The following MAX variants were observed in gnomAD, a reference collection of about 807,000 sequenced individuals.
MAX encodes the protein MYC associated transcriptional regulator X, also known as protein max.
In MAX, 3 loss-of-function variants were observed where a neutral mutation model predicts 22.3. That is an observed-to-expected ratio of 0.13 (90% CI 0.06 to 0.35). MAX has a LOEUF of 0.35. Ranked by LOEUF, MAX falls within the 10% of genes least tolerant of loss-of-function variation. The probability of loss-of-function intolerance (pLI) is 1.00; values close to 1 mark genes in which losing one functional copy is unlikely to be tolerated. For synonymous variants in MAX, 72 were observed against 77.7 expected (o/e 0.93, Z 0.39); for missense variants, 119 against 209.4 (o/e 0.57, Z 2.66).
In MAX at chr14:65,044,253, C is replaced by A. The variant is rs45565742; in HGVS notation, c.172-37969G>T. ...ACAGATTGACTCCTGGAGATTCTGTCGGGCTGGATTTTGTCTCTTTTAGCC... is the reference window on the plus strand; with the variant it reads ...ACAGATTGACTCCTGGAGATTCTGTAGGGCTGGATTTTGTCTCTTTTAGCC... On this transcript the variant is annotated intron_variant, in intron 3 of 3. Coordinates refer to the MAX transcript ENST00000341653. This position sits in a 1 kb window ranked among gnomAD's most constrained non-coding sequence, Gnocchi z 5.5. The A allele has an allele frequency of 6.2e-7, 1 of 1,606,198 alleles. No homozygotes were observed. The highest frequency in any genetic ancestry group is 8.5e-7 in the Non-Finnish European group (1 of 1,176,900).
rs539504709 is a variant in MAX, at chr14:65,093,169, A to G, written c.171+539T>C. 4.6e-5 allele frequency among the ~76,000 whole-genome samples: 7 copies of G among 152,234 alleles called. No individual in the cohort carries two copies. Among genetic ancestry groups the G allele is most frequent in the Non-Finnish European group, 8.8e-5 (6 of 68,042 alleles). Reference sequence around the variant, plus strand: ...CTGTTTCACATGAACATGTCTCTTCACTCAAGTCTTTTGTCCCACAGCTTA... The same window carrying G: ...CTGTTTCACATGAACATGTCTCTTCGCTCAAGTCTTTTGTCCCACAGCTTA... On this transcript the variant is annotated intron_variant, in intron 3 of 4. Transcript: ENST00000358664. The surrounding 1 kb of genome is among the most constrained non-coding windows in gnomAD (Gnocchi z 4.4).
chr14:65,101,003 T>G (rs1780181159), intron 2 of MAX, among the ~76,000 whole-genome samples: 1 of 152,204 alleles, frequency 6.6e-6, no homozygotes, highest in African/African-American at 2.4e-5. Flanking sequence ...ATAATAACTT[T>G]ATGTGACACT....
chr14:65,015,655 T>G (rs1476119182), intron 3 of MAX: 9 of 1,614,016 alleles, frequency 5.6e-6, no homozygotes, highest in Non-Finnish European at 7.6e-6. Context: ...ATGGCTCTGC[T>G]ATTGGATCCT....
chr14:65,042,408 T>C (rs1304928058), intron 3 of MAX, among the ~76,000 whole-genome samples: 5 of 152,166 alleles, frequency 3.3e-5, no homozygotes, highest in African/African-American at 9.7e-5. Flanking sequence ...TAGACTCTCA[T>C]GTAGAGCGTG....
chr14:65,021,120 G>A (rs961132159), intron 3 of MAX, among the ~76,000 whole-genome samples: 1 of 152,152 alleles, frequency 6.6e-6, no homozygotes, highest in Non-Finnish European at 1.5e-5. Flanking sequence ...AAGTACATTT[G>A]CTTTGCTTAA....
At position 65,014,759 on chromosome 14, in the gene MAX, A is replaced by G. The variant is rs2061739235; in HGVS notation, c.172-8475T>C. 6.6e-6 allele frequency among the ~76,000 whole-genome samples: 1 copy of G among 152,138 alleles called. No individual in the cohort carries two copies. Among genetic ancestry groups the G allele is most frequent in the Admixed American group, 6.5e-5 (1 of 15,282 alleles). On this transcript the variant is annotated intron_variant, in intron 3 of 3. Coordinates refer to the MAX transcript ENST00000341653. This position sits in a 1 kb window ranked among gnomAD's most constrained non-coding sequence, Gnocchi z 5.1. ...AGCCCGGGAGGTTGAGGCTGCAGTG[A>G]GCTGAGATCATACCACTGCACTCTA...
At chr14:65,091,487 C>CT (rs1388030151) in intron 3 of MAX, among the ~76,000 whole-genome samples, 15 of 152,214 alleles carry the variant, frequency 9.9e-5, no homozygotes, top group Admixed American at 9.8e-4. Context: ...GACCACTCCT[C>CT]TCTCCTAGTC....
At chr14:65,024,649 A>G (rs2061947803) in intron 3 of MAX, among the ~76,000 whole-genome samples, 1 of 152,236 alleles carries the variant, frequency 6.6e-6, no homozygotes, top group African/African-American at 2.4e-5. Flanking sequence ...TTCTAAAGGA[A>G]TGATTTTGTG....
chr14:65,100,834 T>C lies in MAX; in HGVS notation c.63+712A>G, dbSNP rs551388468. Among the ~76,000 whole-genome samples the C allele has an allele frequency of 2.6e-5, 4 of 152,362 alleles. No individual in the cohort carries two copies. The East Asian group carries it at 7.7e-4, about 29-fold the overall frequency. On this transcript the variant is annotated intron_variant, in intron 2 of 4. Transcript: ENST00000358664. Reference sequence around the variant, plus strand: ...GTGCTTATCTAAATCCACAGAACCATCTACTGAGAACATTAATATCAAAAC... The same window carrying C: ...GTGCTTATCTAAATCCACAGAACCACCTACTGAGAACATTAATATCAAAAC...
In MAX at chr14:65,039,603, C is replaced by A. The variant is rs532430411; in HGVS notation, c.172-33319G>T. Among the ~76,000 whole-genome samples the A allele has an allele frequency of 2.0e-4, 30 of 152,234 alleles. 1 individual carries two copies. In the South Asian group the frequency reaches 5.0e-3, roughly 25 times the overall value. Reference sequence around the variant, plus strand: ...TTGTTGCCCCTCTCCCATCCCTATCCTTTGGGTAGGAAAGGTTTCTCTATT... The same window carrying A: ...TTGTTGCCCCTCTCCCATCCCTATCATTTGGGTAGGAAAGGTTTCTCTATT... On this transcript the variant is annotated intron_variant, in intron 3 of 3. Transcript: ENST00000341653.
intron 3 of MAX, among the ~76,000 whole-genome samples, chr14:65,022,940 G>A (rs187365831): frequency 6.6e-6 from 1 of 151,882 alleles, no homozygotes; most frequent in Non-Finnish European, 1.5e-5. Flanking sequence ...TGTACCTGTT[G>A]CATTTGTTTT....
At chr14:65,026,944 G>A (rs1263648259) in intron 3 of MAX, among the ~76,000 whole-genome samples, 3 of 152,198 alleles carry the variant, frequency 2.0e-5, no homozygotes, top group Non-Finnish European at 4.4e-5. Flanking sequence ...GTGGCAATGG[G>A]AGTGAGAAGA....
At position 65,077,195 on chromosome 14, in the gene MAX, C is replaced by A; in HGVS notation, c.296-532G>T. 2 of 657,510 alleles carry A rather than the reference C, an allele frequency of 3.0e-6. No individual in the cohort carries two copies. The highest frequency in any genetic ancestry group is 5.4e-6 in the Non-Finnish European group (2 of 368,148). 40.7% of individuals were successfully genotyped at this position (657,510 alleles called of 1,614,324 possible). A position where few individuals can be genotyped will look rare whatever the true frequency, so the allele number is the denominator to read the frequency against. On this transcript the variant is annotated intron_variant, in intron 4 of 4. Coordinates refer to ENST00000358664, the MANE Select transcript of MAX (RefSeq NM_002382.5). This position sits in a 1 kb window ranked among gnomAD's most constrained non-coding sequence, Gnocchi z 6.3. Reference sequence around the variant, plus strand: ...ACCTGGGCTTTTCAAATAGCCCCTACATGCAGGCTGCCTGGCCCAGTAACC... The same window carrying A: ...ACCTGGGCTTTTCAAATAGCCCCTAAATGCAGGCTGCCTGGCCCAGTAACC...
At chr14:65,066,527 C>A (rs180960635) in intron 3 of MAX, among the ~76,000 whole-genome samples, 2 of 152,256 alleles carry the variant, frequency 1.3e-5, no homozygotes, top group African/African-American at 4.8e-5. Context: ...CTCTGCTCCC[C>A]CTGAGGAAAT....
chr14:65,069,845 G>A lies in MAX; in HGVS notation c.171+23863C>T, dbSNP rs1264630083. On this transcript the variant is annotated intron_variant, in intron 3 of 3. Coordinates refer to the MAX transcript ENST00000341653. This position sits in a 1 kb window ranked among gnomAD's most constrained non-coding sequence, Gnocchi z 4.6. ...ACATGGTCAAGTTGTTGGAAACAGG[G>A]TCCTTCCTCTCCAAAGTCTCCTACA... Among the ~76,000 whole-genome samples, 1 of 152,238 alleles carries A rather than the reference G, an allele frequency of 6.6e-6. No homozygotes were observed. Among genetic ancestry groups the A allele is most frequent in the African/African-American group, 2.4e-5 (1 of 41,470 alleles).
chr14:65,044,685 A>G lies in MAX; in HGVS notation c.172-38401T>C, dbSNP rs2062435521. ...CTGCGACAGAATGAGCTTCCTTGAA[A>G]TTGCTACGGGGAGCGGGGAGGAAGT... On this transcript the variant is annotated intron_variant, in intron 3 of 3. Coordinates refer to the MAX transcript ENST00000341653. This position sits in a 1 kb window ranked among gnomAD's most constrained non-coding sequence, Gnocchi z 5.5. The G allele has an allele frequency of 1.7e-6, 1 of 590,804 alleles. No individual in the cohort carries two copies. 36.6% of individuals were successfully genotyped at this position (590,804 alleles called of 1,614,324 possible). A position where few individuals can be genotyped will look rare whatever the true frequency, so the allele number is the denominator to read the frequency against.
chr14:65,050,412 G>A (rs2062579868), intron 3 of MAX, among the ~76,000 whole-genome samples: 1 of 152,144 alleles, frequency 6.6e-6, no homozygotes, highest in South Asian at 2.1e-4. Flanking sequence ...TCAACATAGT[G>A]AAACCCTGTC....
In MAX at chr14:65,030,433, A is replaced by G. The variant is rs1378551946; in HGVS notation, c.172-24149T>C. On this transcript the variant is annotated intron_variant, in intron 3 of 3. Transcript: ENST00000341653. This position sits in a 1 kb window ranked among gnomAD's most constrained non-coding sequence, Gnocchi z 4.5. ...GTAAGTCTGACTTCATGTTATATCT[A>G]TACTGAGTAAGATGGAAACCAGGGC... 6.6e-6 allele frequency among the ~76,000 whole-genome samples: 1 copy of G among 152,170 alleles called. No homozygotes were observed. The highest frequency in any genetic ancestry group is 2.4e-5 in the African/African-American group (1 of 41,434).
intron 3 of MAX, among the ~76,000 whole-genome samples, chr14:65,053,750 A>G (rs1388059260): frequency 6.6e-6 from 1 of 152,214 alleles, no homozygotes; most frequent in Non-Finnish European, 1.5e-5. Flanking sequence ...ATTAAGCTCA[A>G]ATCTGAGATG....
Sources: allele counts gnomAD v4.1 joint callset (sites outside exome capture counted in the v4.1 genomes callset), GRCh38; gene constraint gnomAD v4.1.1; non-coding constraint Gnocchi (gnomAD v3.1); transcripts MANE v1.5; gene names NCBI Gene and HGNC (gene_info 2026-07-23, HGNC 2026-07-21).